The following PTPRT variants were observed in gnomAD, a reference collection of about 807,000 sequenced individuals.
The protein encoded by PTPRT is receptor-type tyrosine-protein phosphatase T.
A neutral mutation model predicts 176.8 loss-of-function variants in PTPRT; 56 were observed. The observed-to-expected ratio is 0.32, with a 90% CI of 0.26 to 0.40. PTPRT has a LOEUF of 0.40. PTPRT is among the 10% of genes least tolerant of loss of function. The pLI is 1.00. For synonymous variants in PTPRT, 783 were observed against 739.0 expected (o/e 1.06, Z -0.96); for missense variants, 1,540 against 1,908.2 (o/e 0.81, Z 3.60).
intron 7 of PTPRT, among the ~76,000 whole-genome samples, chr20:42,635,105 GA>G (rs922669412): frequency 3.3e-5 from 5 of 151,718 alleles, no homozygotes; most frequent in South Asian, 2.1e-4. Context: ...GAGAAATACT[GA>G]AAAAAAATAT....
At chr20:42,463,175 T>C (rs2071048520) in intron 8 of PTPRT, among the ~76,000 whole-genome samples, 1 of 150,864 alleles carries the variant, frequency 6.6e-6, no homozygotes, top group Non-Finnish European at 1.5e-5. Flanking sequence ...TTGATTAAAC[T>C]AGGTCTCTCT....
At chr20:42,894,331 C>T (rs1223436875) in intron 1 of PTPRT, among the ~76,000 whole-genome samples, 4 of 152,072 alleles carry the variant, frequency 2.6e-5, no homozygotes, top group African/African-American at 4.8e-5. Flanking sequence ...GTCAAAGAGA[C>T]GGGGACAGAA....
chr20:42,906,398 T>G (rs2079479099), intron 1 of PTPRT, among the ~76,000 whole-genome samples: 2 of 152,208 alleles, frequency 1.3e-5, no homozygotes, highest in South Asian at 2.1e-4. Flanking sequence ...CTCCCTCATC[T>G]GCTGAAAGCT....
At chr20:42,040,305 G>T in the PTPRT span, among the ~76,000 whole-genome samples, 1 of 152,156 alleles carries the variant, frequency 6.6e-6, no homozygotes, top group African/African-American at 2.4e-5. Flanking sequence ...TACTGGAGGG[G>T]CCACACCGGG....
intron 1 of PTPRT, among the ~76,000 whole-genome samples, chr20:43,041,876 T>C (rs1224268545): frequency 1.3e-5 from 2 of 152,362 alleles, no homozygotes; most frequent in South Asian, 2.1e-4. Flanking sequence ...CAGAAATATG[T>C]CCCACAAGGC....
intron 12 of PTPRT, among the ~76,000 whole-genome samples, chr20:42,314,379 A>G (rs778023211): frequency 1.3e-5 from 2 of 151,994 alleles, no homozygotes; most frequent in Non-Finnish European, 2.9e-5. Context: ...ATACAAAAAA[A>G]TTAGCTGGGT....
intron 7 of PTPRT, among the ~76,000 whole-genome samples, chr20:42,648,979 T>C (rs1318505776): frequency 6.6e-6 from 1 of 151,828 alleles, no homozygotes; most frequent in Non-Finnish European, 1.5e-5. Flanking sequence ...CCACCATGCC[T>C]GGCTAATTTT....
intron 1 of PTPRT, among the ~76,000 whole-genome samples, chr20:42,942,644 G>A (rs562892416): frequency 2.7e-4 from 41 of 152,258 alleles, no homozygotes; most frequent in Middle Eastern, 3.4e-3. Context: ...TAGTATGGGC[G>A]TATGATTGCT....
intron 6 of PTPRT, among the ~76,000 whole-genome samples, chr20:42,684,912 G>A (rs188971724): frequency 1.2e-3 from 189 of 152,254 alleles, no homozygotes; most frequent in African/African-American, 4.4e-3. Flanking sequence ...CAGCTCCCAT[G>A]TACTGCACAC....
At chr20:43,133,713 A>G (rs990953290) in intron 1 of PTPRT, among the ~76,000 whole-genome samples, 1 of 149,036 alleles carries the variant, frequency 6.7e-6, no homozygotes, top group Non-Finnish European at 1.5e-5. Context: ...CCACCACTGC[A>G]CTCCAGCCTG....
chr20:43,122,217 G>A (rs1215250556), intron 1 of PTPRT, among the ~76,000 whole-genome samples: 2 of 152,178 alleles, frequency 1.3e-5, no homozygotes, highest in Non-Finnish European at 2.9e-5. Context: ...GTTCTGAAAG[G>A]TGGCAATCAG....
chr20:43,091,491 A>C (rs200948243), intron 1 of PTPRT, among the ~76,000 whole-genome samples: 1,364 of 42,526 alleles, frequency 0.032, 4 homozygotes, highest in Admixed American at 0.037. Context: ...CTCTCTCTCT[A>C]TTTCTCTCTC....
intron 1 of PTPRT, among the ~76,000 whole-genome samples, chr20:42,984,227 T>C (rs1983441021): frequency 6.6e-6 from 1 of 152,166 alleles, no homozygotes; most frequent in Admixed American, 6.5e-5. Context: ...CATACATACA[T>C]GCACCCTTCC....
chr20:42,233,888 T>G (rs1206075243), intron 15 of PTPRT, among the ~76,000 whole-genome samples: 1 of 152,198 alleles, frequency 6.6e-6, no homozygotes. Context: ...GAAAGGCCTG[T>G]GTTTATCATT....
chr20:43,126,948 T>G (rs950952141), intron 1 of PTPRT, among the ~76,000 whole-genome samples: 1 of 152,196 alleles, frequency 6.6e-6, no homozygotes, highest in Non-Finnish European at 1.5e-5. Context: ...TCAACTGCAT[T>G]GGATTCTGCG....
intron 1 of PTPRT, among the ~76,000 whole-genome samples, chr20:43,151,743 A>T (rs2014362127): frequency 6.6e-6 from 1 of 152,110 alleles, no homozygotes; most frequent in South Asian, 2.1e-4. Flanking sequence ...CATATCTGTA[A>T]TCCCAGCTAC....
intron 7 of PTPRT, among the ~76,000 whole-genome samples, chr20:42,631,079 G>T (rs1419544259): frequency 6.6e-6 from 1 of 152,016 alleles, no homozygotes; most frequent in Non-Finnish European, 1.5e-5. Flanking sequence ...TCAGATATAT[G>T]GCCATATTGA....
In PTPRT at chr20:42,384,595, C is replaced by G. The variant is rs1181999953; in HGVS notation, c.1561-32310G>C. ...GGAATGCAGATATCTCTTTGAGATTCTAACTTCAATTCTTTTGGGTATATA... is the reference window on the plus strand; with the variant it reads ...GGAATGCAGATATCTCTTTGAGATTGTAACTTCAATTCTTTTGGGTATATA... On this transcript the variant is annotated intron_variant, in intron 9 of 30. Coordinates refer to ENST00000373187, the MANE Select transcript of PTPRT (RefSeq NM_007050.6). Among the ~76,000 whole-genome samples, 4 of 152,084 alleles carry G rather than the reference C, an allele frequency of 2.6e-5. No individual in the cohort carries two copies. In the East Asian group the frequency reaches 7.7e-4, roughly 29 times the overall value.
chr20:42,610,144 T>C (rs542541255), intron 7 of PTPRT, among the ~76,000 whole-genome samples: 60 of 152,286 alleles, frequency 3.9e-4, no homozygotes, highest in African/African-American at 1.4e-3. Flanking sequence ...AGACTCAACA[T>C]AGACACTTTC....
Sources: allele counts gnomAD v4.1 joint callset (sites outside exome capture counted in the v4.1 genomes callset), GRCh38; gene constraint gnomAD v4.1.1; transcripts MANE v1.5; gene names NCBI Gene and HGNC (gene_info 2026-07-23, HGNC 2026-07-21).